Variants in HUNK observed in about 807,000 individuals in gnomAD.
The protein encoded by HUNK is hormonally up-regulated neu tumor-associated kinase.
In HUNK, 21 loss-of-function variants were observed where a neutral mutation model predicts 61.0. That is an observed-to-expected ratio of 0.34 (90% CI 0.24 to 0.50). The LOEUF is 0.50. HUNK is among the 20% of genes least tolerant of loss of function. The pLI is 0.98. For missense variants in HUNK, 772 were observed against 945.7 expected (o/e 0.82, Z 2.41); for synonymous variants, 371 against 386.1 (o/e 0.96, Z 0.46).
intron 9 of HUNK, among the ~76,000 whole-genome samples, chr21:31,991,876 A>G (rs1484400681): frequency 2.0e-5 from 3 of 152,226 alleles, no homozygotes; most frequent in Non-Finnish European, 2.9e-5. Context: ...CAAAGCAAGC[A>G]TCCGTCCCTG....
intron 1 of HUNK, among the ~76,000 whole-genome samples, chr21:31,914,584 G>A (rs554754698): frequency 9.9e-5 from 15 of 152,088 alleles, no homozygotes; most frequent in Non-Finnish European, 1.9e-4. Flanking sequence ...TGGAGTGGGT[G>A]GCTTAAAACA....
intron 3 of HUNK, among the ~76,000 whole-genome samples, chr21:31,941,410 G>A (rs1042178351): frequency 7.3e-5 from 11 of 151,632 alleles, no homozygotes; most frequent in Non-Finnish European, 1.5e-4. Flanking sequence ...GGGTTCAAGC[G>A]ATTCTCCTGT....
At chr21:31,961,001 TC>T (rs2052924156) in intron 5 of HUNK, among the ~76,000 whole-genome samples, 1 of 152,200 alleles carries the variant, frequency 6.6e-6, no homozygotes, top group South Asian at 2.1e-4. Flanking sequence ...TAGAGTTTTT[TC>T]ACATGAGTAA....
At chr21:31,902,356 C>T (rs2052474513) in intron 1 of HUNK, among the ~76,000 whole-genome samples, 1 of 152,038 alleles carries the variant, frequency 6.6e-6, no homozygotes. Flanking sequence ...ACTAAACATA[C>T]AAAATTAGCC....
At chr21:31,910,490 CTTT>C (rs34782673) in intron 1 of HUNK, among the ~76,000 whole-genome samples, 15 of 136,680 alleles carry the variant, frequency 1.1e-4, no homozygotes, top group Non-Finnish European at 1.1e-4. Context: ...TCAGGATATC[CTTT>C]TTTTTTTTTT....
intron 1 of HUNK, among the ~76,000 whole-genome samples, chr21:31,921,126 G>A (rs2052619337): frequency 8.4e-6 from 1 of 118,998 alleles, no homozygotes; most frequent in Non-Finnish European, 1.6e-5. Flanking sequence ...CTGCATTCCA[G>A]CCTGGGCCAC....
intron 8 of HUNK, among the ~76,000 whole-genome samples, chr21:31,989,665 G>A (rs1300678237): frequency 6.7e-6 from 1 of 148,638 alleles, no homozygotes; most frequent in Non-Finnish European, 1.5e-5. Flanking sequence ...AGTGAGCCAA[G>A]GTCGTGCTAC....
chr21:31,958,522 T>A (rs777412762), intron 4 of HUNK, among the ~76,000 whole-genome samples: 1 of 152,024 alleles, frequency 6.6e-6, no homozygotes, highest in Non-Finnish European at 1.5e-5. Flanking sequence ...CATGCACAGC[T>A]TGTAGCACAG....
chr21:31,993,951 G>A (rs753826171), intron 9 of HUNK, among the ~76,000 whole-genome samples: 21 of 152,162 alleles, frequency 1.4e-4, no homozygotes, highest in Non-Finnish European at 2.5e-4. Context: ...CCCTGCTGCA[G>A]GCTCTGAGAG....
At chr21:31,974,476 C>A in intron 6 of HUNK, 79 bp from the exon 7 acceptor site, 2 of 1,315,270 alleles carry the variant, frequency 1.5e-6, no homozygotes, top group Non-Finnish European at 2.1e-6. Flanking sequence ...ATGAATGAAG[C>A]TGATTGTGCC....
chr21:31,959,005 A>T (rs2052909571), intron 5 of HUNK, 35 bp downstream of exon 5: 1 of 1,548,682 alleles, frequency 6.5e-7, no homozygotes, highest in African/African-American at 1.4e-5. Flanking sequence ...ACGGTTCAGG[A>T]CTGCTGTCGT....
intron 5 of HUNK, among the ~76,000 whole-genome samples, chr21:31,965,032 T>TTAA (rs2052953550): frequency 6.6e-6 from 1 of 152,164 alleles, no homozygotes; most frequent in African/African-American, 2.4e-5. Context: ...CTTTTTTATC[T>TTAA]GACCAATAGA....
At chr21:31,902,681 T>C (rs988388563) in intron 1 of HUNK, among the ~76,000 whole-genome samples, 12 of 152,166 alleles carry the variant, frequency 7.9e-5, no homozygotes, top group Non-Finnish European at 1.5e-5. Flanking sequence ...TTTCACACCA[T>C]GAAATTTACA....
chr21:31,907,704 G>T (rs2052515791), intron 1 of HUNK, among the ~76,000 whole-genome samples: 1 of 152,104 alleles, frequency 6.6e-6, no homozygotes, highest in African/African-American at 2.4e-5. Flanking sequence ...AAGTGGTGAG[G>T]ATGGGCCGGG....
intron 4 of HUNK, among the ~76,000 whole-genome samples, chr21:31,952,841 T>A (rs1305814490): frequency 6.6e-6 from 1 of 151,548 alleles, no homozygotes; most frequent in African/African-American, 2.4e-5. Flanking sequence ...TTCATTCTGC[T>A]GGAAAAACCC....
At chr21:31,927,743 C>T (rs1255908241) in intron 2 of HUNK, among the ~76,000 whole-genome samples, 2 of 152,176 alleles carry the variant, frequency 1.3e-5, no homozygotes, top group African/African-American at 4.8e-5. Flanking sequence ...GAGCTGCCTC[C>T]TTACTAACGG....
At chr21:31,910,091 G>T (rs1293367156) in intron 1 of HUNK, among the ~76,000 whole-genome samples, 1 of 152,162 alleles carries the variant, frequency 6.6e-6, no homozygotes, top group Non-Finnish European at 1.5e-5. Context: ...AAGCCATTCT[G>T]TTATTACTAA....
intron 7 of HUNK, among the ~76,000 whole-genome samples, chr21:31,982,742 G>A (rs912156122): frequency 2.0e-5 from 3 of 152,046 alleles, no homozygotes; most frequent in East Asian, 1.9e-4. Context: ...TGGTGGTAGT[G>A]GGGAGCAGTG....
intron 1 of HUNK, among the ~76,000 whole-genome samples, chr21:31,881,345 G>A (rs2052305764): frequency 6.6e-6 from 1 of 152,144 alleles, no homozygotes; most frequent in Non-Finnish European, 1.5e-5. Context: ...TACAAAGTAT[G>A]GCCAGGCGTG....
Sources: allele counts gnomAD v4.1 joint callset (sites outside exome capture counted in the v4.1 genomes callset), GRCh38; gene constraint gnomAD v4.1.1; transcripts MANE v1.5; gene names NCBI Gene and HGNC (gene_info 2026-07-23, HGNC 2026-07-21).